CFAP54: variants seen among roughly 807,000 people sequenced by gnomAD.
CFAP54 encodes cilia- and flagella-associated protein 54.
In CFAP54, 290 loss-of-function variants were observed where a neutral mutation model predicts 370.4. The observed-to-expected ratio is 0.78, with a 90% CI of 0.71 to 0.86. The LOEUF is 0.86. Ranked by LOEUF, CFAP54 falls within the 40% of genes least tolerant of loss-of-function variation. The pLI, the probability that CFAP54 is intolerant of heterozygous loss-of-function variation, is 0.00. For missense variants in CFAP54, 3,399 were observed against 3,528.7 expected, an observed-to-expected ratio of 0.96 and a Z score of 0.93; for synonymous variants, 1,206 against 1,236.5, an observed-to-expected ratio of 0.98 and a Z score of 0.52.
At chr12:96,762,188 G>A (rs7973068) in intron 58 of CFAP54, among the ~76,000 whole-genome samples, 55,306 of 151,894 alleles carry the variant, frequency 0.36, 10,826 homozygotes, top group East Asian at 0.58. Flanking sequence ...AGGGATTTTT[G>A]TTTTAATTTT....
At chr12:96,818,067 T>C (rs1158517846) in intron 65 of CFAP54, among the ~76,000 whole-genome samples, 154 bp downstream of exon 65, 1 of 152,208 alleles carries the variant, frequency 6.6e-6, no homozygotes, top group Non-Finnish European at 1.5e-5. Context: ...ACATATGTAG[T>C]GTGTCTTCTG....
intron 63 of CFAP54, among the ~76,000 whole-genome samples, chr12:96,797,614 G>T (rs1958779368): frequency 6.6e-6 from 1 of 151,820 alleles, no homozygotes; most frequent in South Asian, 2.1e-4. Flanking sequence ...TAAATTACAT[G>T]ACCTTTTTGT....
intron 50 of CFAP54, among the ~76,000 whole-genome samples, chr12:96,729,051 G>A (rs902033760): frequency 5.3e-5 from 8 of 152,300 alleles, no homozygotes; most frequent in African/African-American, 1.9e-4. Flanking sequence ...TTGTCTCAGA[G>A]GAGTACCCGG....
intron 36 of CFAP54, among the ~76,000 whole-genome samples, chr12:96,655,180 C>T (rs754681675): frequency 1.3e-5 from 2 of 151,004 alleles, no homozygotes; most frequent in Non-Finnish European, 3.0e-5. Context: ...AAAATAGACC[C>T]ATATATATGG....
At chr12:96,728,896 G>T (rs1301483296) in intron 50 of CFAP54, among the ~76,000 whole-genome samples, 1 of 152,186 alleles carries the variant, frequency 6.6e-6, no homozygotes, top group Non-Finnish European at 1.5e-5. Context: ...CCTTCTAACA[G>T]ACAGGACCCT....
At chr12:96,738,461 C>T (rs944281885) in intron 50 of CFAP54, among the ~76,000 whole-genome samples, 19 of 152,088 alleles carry the variant, frequency 1.2e-4, no homozygotes, top group African/African-American at 4.6e-4. Context: ...AGGGGAGAAT[C>T]CTTCCTTGCC....
intron 36 of CFAP54, among the ~76,000 whole-genome samples, chr12:96,657,457 A>G (rs1487257415): frequency 6.6e-6 from 1 of 152,246 alleles, no homozygotes; most frequent in African/African-American, 2.4e-5. Flanking sequence ...AATTTATTTC[A>G]TATCCTTACT....
intron 14 of CFAP54, among the ~76,000 whole-genome samples, chr12:96,543,787 A>G (rs1244120652): frequency 6.6e-6 from 1 of 152,104 alleles, no homozygotes; most frequent in Non-Finnish European, 1.5e-5. Context: ...ATCTATTTTC[A>G]GTTCACCCTA....
chr12:96,494,416 T>G (rs1182565445), intron 1 of CFAP54, among the ~76,000 whole-genome samples: 1 of 152,126 alleles, frequency 6.6e-6, no homozygotes, highest in Non-Finnish European at 1.5e-5. Flanking sequence ...TTCTCCTGCC[T>G]CAGCCTCCTG....
intron 26 of CFAP54, among the ~76,000 whole-genome samples, chr12:96,613,831 T>G (rs1449790719): frequency 6.6e-6 from 1 of 151,898 alleles, no homozygotes; most frequent in Non-Finnish European, 1.5e-5. Flanking sequence ...AGAAGATGAA[T>G]CCATGAATAG....
intron 50 of CFAP54, among the ~76,000 whole-genome samples, chr12:96,732,604 C>T (rs925837379): frequency 6.6e-6 from 1 of 152,138 alleles, no homozygotes; most frequent in Non-Finnish European, 1.5e-5. Context: ...GAAATTAAGA[C>T]ATTTTTAGCT....
chr12:96,812,267 A>T (rs779970489), intron 64 of CFAP54, among the ~76,000 whole-genome samples: 5 of 152,138 alleles, frequency 3.3e-5, no homozygotes, highest in Non-Finnish European at 7.3e-5. Context: ...GTGGCTTTGT[A>T]TGGAGTTTCA....
At chr12:96,745,145 C>T (rs1958099571) in intron 55 of CFAP54, among the ~76,000 whole-genome samples, 1 of 152,154 alleles carries the variant, frequency 6.6e-6, no homozygotes, top group African/African-American at 2.4e-5. Flanking sequence ...TGCTGCAGTG[C>T]ACATATGCTT....
rs1352199939 is a variant in CFAP54, at chr12:96,786,897, A to C, written c.8678A>C (p.Lys2893Thr). ...AAAGACTTACGTGAATCATCTGCCA[A>C]GGTAACGTTTTTTGAAACATGATAT... is the stretch of plus-strand genomic sequence containing the variant. ...SEKDLRESSA[K>T]LYRDSSVQSI... is the part of the protein sequence containing the mutation. Residue 2893 changes from lysine (K) to threonine (T), a missense_variant and splice_region_variant, in exon 62 of 68, where the codon AAG becomes ACG. By Grantham distance (78) the Lys-to-Thr change is moderately conservative (BLOSUM62 -1). This residue lies in a region of CFAP54 where 2,796 missense variants were observed against 2,869.7 expected (regional missense o/e 0.97). Transcript: ENST00000524981. 4.6e-6 allele frequency: 7 copies of C among 1,519,758 alleles called. No homozygotes were observed. The highest frequency in any genetic ancestry group is 4.9e-5 in the East Asian group (2 of 40,772). 94.1% of individuals were successfully genotyped at this position (1,519,758 alleles called of 1,614,324 possible). A position where few individuals can be genotyped will look rare whatever the true frequency, so the allele number is the denominator to read the frequency against.
At chr12:96,708,931 G>A in intron 48 of CFAP54, 128 bp downstream of exon 48, 1 of 681,614 alleles carries the variant, frequency 1.5e-6, no homozygotes. Flanking sequence ...CTTATATAAT[G>A]ACACACATAT....
intron 26 of CFAP54, among the ~76,000 whole-genome samples, chr12:96,601,215 CAT>C (rs1429187815): frequency 6.6e-6 from 1 of 152,152 alleles, no homozygotes; most frequent in Non-Finnish European, 1.5e-5. Context: ...TTGAGATAAT[CAT>C]GTGGTTTTTG....
At chr12:96,742,969 C>T (rs2136642861) in intron 52 of CFAP54, among the ~76,000 whole-genome samples, 1 of 152,244 alleles carries the variant, frequency 6.6e-6, no homozygotes, top group Middle Eastern at 3.4e-3. Flanking sequence ...TCTTAAATCC[C>T]CCTTACTCAG....
chr12:96,622,128 CA>C (rs1956503294), intron 27 of CFAP54, among the ~76,000 whole-genome samples: 1 of 151,614 alleles, frequency 6.6e-6, no homozygotes, highest in Non-Finnish European at 1.5e-5. Flanking sequence ...ACTTTGTGTT[CA>C]AAGTAGATTT....
At chr12:96,633,321 T>A (rs940373258) in intron 32 of CFAP54, among the ~76,000 whole-genome samples, 1 of 152,232 alleles carries the variant, frequency 6.6e-6, no homozygotes, top group Non-Finnish European at 1.5e-5. Context: ...CATGTGCAGT[T>A]ATAAGAAATA....
Sources: gnomAD v4.1 joint callset for allele counts (sites outside exome capture counted in the v4.1 genomes callset) on GRCh38, gnomAD v4.1.1 for gene constraint, gnomAD v4.1.1 regional missense constraint, MANE v1.5 for transcripts, NCBI Gene and HGNC (gene_info 2026-07-23, HGNC 2026-07-21) for gene names.